KIRREL2: variants seen among roughly 807,000 people sequenced by gnomAD.
The protein encoded by KIRREL2 is kin of IRRE-like protein 2.
KIRREL2 carries 56 observed loss-of-function variants against 73.4 expected under a neutral mutation model. The ratio of observed to expected loss-of-function variants is 0.76; its 90% CI spans 0.62 to 0.95. The LOEUF is 0.95. Ranked by LOEUF, KIRREL2 falls within the 40% of genes least tolerant of loss-of-function variation. The pLI is 0.00. For synonymous variants in KIRREL2, 407 were observed against 404.0 expected (o/e 1.01, Z -0.09); for missense variants, 896 against 935.0 (o/e 0.96, Z 0.54).
At chr19:35,862,645 G>A (rs375640080) in intron 12 of KIRREL2, 48 bp downstream of exon 12, 63 of 1,399,118 alleles carry the variant, frequency 4.5e-5, no homozygotes, top group East Asian at 3.6e-4. Context: ...AGCCCCACAC[G>A]CGCCCTGCCT....
rs1203693240 is a variant in KIRREL2, at chr19:35,857,478, C to T, written c.195C>T (p.Gly65=). The T allele has an allele frequency of 6.3e-7, 1 of 1,596,668 alleles. No homozygotes were observed. Among genetic ancestry groups the T allele is most frequent in the Non-Finnish European group, 8.5e-7 (1 of 1,172,978 alleles). The change falls in exon 2 of 15, where the codon GGC becomes GGT. Residue 65 remains glycine, a synonymous_variant. Coordinates refer to ENST00000360202, the MANE Select transcript of KIRREL2 (RefSeq NM_199180.4). ...QWTKSGLALG[G]QRDLPGWSRY... is the part of the protein sequence containing the mutation. ...CTAAGAGTGGGCTGGCCCTAGGGGG[C>T]CAAAGGGACCTACCAGGTAAGAGTG...
intron 4 of KIRREL2, 68 bp downstream of exon 4, chr19:35,858,932 G>T: frequency 6.5e-7 from 1 of 1,541,726 alleles, no homozygotes; most frequent in Non-Finnish European, 8.9e-7. Flanking sequence ...CTGACCACAG[G>T]CTCATCCAGA....
At chr19:35,853,502 G>A (rs1171723436), upstream of KIRREL2, among the ~76,000 whole-genome samples, 6 of 151,766 alleles carry the variant, frequency 4.0e-5, no homozygotes, top group Non-Finnish European at 8.8e-5. Context: ...TATCTATCTT[G>A]ATTTATCTTT....
chr19:35,852,300 CTCTG>C (rs973299733), upstream of KIRREL2, among the ~76,000 whole-genome samples: 3 of 149,204 alleles, frequency 2.0e-5, no homozygotes, highest in East Asian at 5.8e-4. Flanking sequence ...CTTCCTCTCT[CTCTG>C]TCTCTCTCTC....
Position 35,858,568 on chromosome 19 carries a change from C to G in KIRREL2, c.361+11C>G. The G allele has an allele frequency of 6.2e-7, 1 of 1,613,672 alleles. No homozygotes were observed. Among genetic ancestry groups the G allele is most frequent in the South Asian group, 1.1e-5 (1 of 91,064 alleles). ...AACTGCACGTGCTGGGTAAGGACCTCGCCCACTTGTCCCCTGGGAGCCCAA... is the reference window on the plus strand; with the variant it reads ...AACTGCACGTGCTGGGTAAGGACCTGGCCCACTTGTCCCCTGGGAGCCCAA... On this transcript the variant is annotated intron_variant, in intron 3 of 14. Transcript: ENST00000360202.
intron 5 of KIRREL2, 58 bp downstream of exon 5, chr19:35,859,689 G>A: frequency 6.3e-7 from 1 of 1,590,768 alleles, no homozygotes; most frequent in South Asian, 1.1e-5. Flanking sequence ...TGGGTATGAG[G>A]AAGGAGGGGA....
upstream of KIRREL2, chr19:35,851,897 G>T: frequency 6.9e-7 from 1 of 1,452,928 alleles, no homozygotes; most frequent in Non-Finnish European, 9.4e-7. Context: ...CGTCTGTCTG[G>T]CTTTCTCTGG....
chr19:35,858,347 G>A, intron 2 of KIRREL2, 61 bp from the exon 3 acceptor site: 7 of 1,575,304 alleles, frequency 4.4e-6, no homozygotes, highest in Non-Finnish European at 6.1e-6. Context: ...GTCTGGGGAT[G>A]GAGGCCTGAG....
upstream of KIRREL2, among the ~76,000 whole-genome samples, chr19:35,856,207 C>A (rs748587227): frequency 6.6e-6 from 1 of 152,182 alleles, no homozygotes; most frequent in African/African-American, 2.4e-5. This position sits in a 1 kb window ranked among gnomAD's most constrained non-coding sequence, Gnocchi z 5.9. Context: ...ACAAGCTGCG[C>A]GGTTCCCAGC....
Position 35,857,179 on chromosome 19 carries a change from A to T in KIRREL2, c.60A>T (p.Ala20=). ...TCCTCTTCTGCTTCAGAGGGAGAGC[A>T]GGTACCGCACGAGGGGAGCGGAGGA... is the stretch of plus-strand genomic sequence containing the variant. The part of the protein sequence containing the change: ...LVLLFCFRGR[A]GPSPHFLQQP... The change falls in exon 1 of 15, where the codon GCA becomes GCT. Residue 20 remains alanine (A), a splice_region_variant and synonymous_variant. Transcript: ENST00000360202. The T allele has an allele frequency of 7.4e-7, 1 of 1,350,256 alleles. No individual in the cohort carries two copies. The highest frequency in any genetic ancestry group is 1.0e-6 in the Non-Finnish European group (1 of 961,672). 83.6% of individuals were successfully genotyped at this position (1,350,256 alleles called of 1,614,324 possible). A position where few individuals can be genotyped will look rare whatever the true frequency, so the allele number is the denominator to read the frequency against.
In KIRREL2 at chr19:35,866,390, A is replaced by G. The variant is rs764610672; in HGVS notation, c.2025A>G (p.Lys675=). 1.2e-6 allele frequency: 2 copies of G among 1,611,664 alleles called. No individual in the cohort carries two copies. Among genetic ancestry groups the G allele is most frequent in the African/African-American group, 2.7e-5 (2 of 74,282 alleles). ...CTCGAGCTTTCACCAGCTACATCAA[A>G]CCCACATCCTTTGGGCCCCCAGATC... is the stretch of plus-strand genomic sequence containing the variant. ...PHPRAFTSYI[K]PTSFGPPDLA... is the part of the protein sequence containing the mutation. Residue 675 remains lysine, a synonymous_variant, in exon 15 of 15, where the codon AAA becomes AAG. Transcript: ENST00000360202.
At chr19:35,865,085 G>A (rs956547071) in intron 14 of KIRREL2, among the ~76,000 whole-genome samples, 1 of 151,344 alleles carries the variant, frequency 6.6e-6, no homozygotes, top group Admixed American at 6.6e-5. Context: ...CCTCAGGACA[G>A]CCACATTGAC....
chr19:35,852,926 C>T (rs1973309677), upstream of KIRREL2, among the ~76,000 whole-genome samples: 1 of 152,160 alleles, frequency 6.6e-6, no homozygotes, highest in African/African-American at 2.4e-5. Context: ...TCCCAAGTAG[C>T]TGGTGCTACA....
chr19:35,853,301 C>T (rs1038259869), upstream of KIRREL2, among the ~76,000 whole-genome samples: 4 of 152,106 alleles, frequency 2.6e-5, no homozygotes, highest in South Asian at 8.3e-4. Context: ...CAGTGTCTTA[C>T]GTGGGAGTGC....
At position 35,858,715 on chromosome 19, in the gene KIRREL2, G is replaced by A; in HGVS notation, c.373G>A (p.Ala125Thr). Residue 125 changes from alanine (A) to threonine (T), a missense_variant, in exon 4 of 15, where the codon GCC (alanine) becomes ACC (threonine). Transcript: ENST00000360202. ...AATCCACCTTGCAGTCCCCCCAGAA[G>A]CCCCCCAGGTGCTGGGCGGCCCCTC... ...AQLHVLVPPE[A>T]PQVLGGPSVS... 6.2e-7 allele frequency: 1 copy of A among 1,614,070 alleles called. No individual in the cohort carries two copies. The highest frequency in any genetic ancestry group is 8.5e-7 in the Non-Finnish European group (1 of 1,179,994).
At chr19:35,862,642 C>T (rs761801881) in intron 12 of KIRREL2, 45 bp downstream of exon 12, 2 of 1,435,070 alleles carry the variant, frequency 1.4e-6, no homozygotes, top group Non-Finnish European at 9.7e-7. Context: ...CCCAGCCCCA[C>T]ACGCGCCCTG....
In KIRREL2 at chr19:35,861,709, A is replaced by G. The variant is rs575533296; in HGVS notation, c.1290+68A>G. ...CCCTGACCTCCCACCTGGCCCCCCGAAACTACTGTGACCATTTCTGACTTC... is the reference window on the plus strand; with the variant it reads ...CCCTGACCTCCCACCTGGCCCCCCGGAACTACTGTGACCATTTCTGACTTC... On this transcript the variant is annotated intron_variant, in intron 10 of 14. Coordinates refer to ENST00000360202, the MANE Select transcript of KIRREL2 (RefSeq NM_199180.4). The G allele has an allele frequency of 4.5e-5, 72 of 1,590,316 alleles. No individual in the cohort carries two copies. In the African/African-American group the frequency reaches 9.1e-4, roughly 20 times the overall value.
upstream of KIRREL2, among the ~76,000 whole-genome samples, chr19:35,854,134 T>C (rs986698310): frequency 6.6e-6 from 1 of 151,654 alleles, no homozygotes; most frequent in Non-Finnish European, 1.5e-5. Context: ...TGGGAGCCGC[T>C]GCACCCCGCC....
At chr19:35,864,867 C>G (rs7248352) in intron 14 of KIRREL2, among the ~76,000 whole-genome samples, 154 bp downstream of exon 14, 1 of 152,102 alleles carries the variant, frequency 6.6e-6, no homozygotes, top group Non-Finnish European at 1.5e-5. Flanking sequence ...CCTCCTGCCC[C>G]CTGGGCCATC....
Sources: gnomAD v4.1 joint callset for allele counts (sites outside exome capture counted in the v4.1 genomes callset) on GRCh38, gnomAD v4.1.1 for gene constraint, Gnocchi (gnomAD v3.1) non-coding constraint, MANE v1.5 for transcripts, NCBI Gene and HGNC (gene_info 2026-07-23, HGNC 2026-07-21) for gene names.